The following SLC2A13 variants were observed in gnomAD, a reference collection of about 807,000 sequenced individuals.
SLC2A13 encodes the protein proton myo-inositol cotransporter.
SLC2A13 carries 32 observed loss-of-function variants against 64.4 expected under a neutral mutation model. That is an observed-to-expected ratio of 0.50 (90% confidence interval 0.37 to 0.67). The LOEUF (loss-of-function observed/expected upper bound fraction) is 0.67, where lower values mean the gene tolerates loss of function less well. Among genes scored for constraint, SLC2A13 ranks in the 30% least tolerant of loss-of-function variants. The pLI, the probability that SLC2A13 is intolerant of heterozygous loss-of-function variation, is 0.00. For synonymous variants in SLC2A13, 338 were observed against 327.1 expected, an observed-to-expected ratio of 1.03 and a Z score of -0.36; for missense variants, 743 against 829.2, an observed-to-expected ratio of 0.90 and a Z score of 1.28.
intron 1 of SLC2A13, among the ~76,000 whole-genome samples, chr12:40,088,580 G>A (rs561244720): frequency 6.6e-6 from 1 of 152,160 alleles, no homozygotes; most frequent in African/African-American, 2.4e-5. Flanking sequence ...AAAGCTAGGG[G>A]TCTTGTCTTG....
At chr12:39,989,820 G>A (rs568930172) in intron 3 of SLC2A13, among the ~76,000 whole-genome samples, 1 of 152,284 alleles carries the variant, frequency 6.6e-6, no homozygotes, top group South Asian at 2.1e-4. Context: ...GAGGATCAAG[G>A]TTTGGGTAAA....
intron 6 of SLC2A13, among the ~76,000 whole-genome samples, chr12:39,852,282 A>G (rs923275855): frequency 6.6e-6 from 1 of 152,256 alleles, no homozygotes; most frequent in Non-Finnish European, 1.5e-5. Context: ...AATGCTGGTC[A>G]GATTTCCCTT....
Position 39,838,897 on chromosome 12 carries a change from C to T in SLC2A13, c.1320-8669G>A, listed in dbSNP as rs1943102063. Among the ~76,000 whole-genome samples the T allele has an allele frequency of 2.0e-5, 3 of 152,032 alleles. No individual in the cohort carries two copies. The South Asian group carries it at 6.2e-4, about 31-fold the overall frequency. ...ACTCAATGAGATGGAGCACTAAGAA[C>T]AGTGTTTGATCTTAAAATGCCTGTC... On this transcript the variant is annotated intron_variant, in intron 6 of 9. Coordinates refer to ENST00000280871, the MANE Select transcript of SLC2A13 (RefSeq NM_052885.4).
chr12:39,762,715 C>G (rs1056107245), intron 9 of SLC2A13, among the ~76,000 whole-genome samples: 1 of 151,916 alleles, frequency 6.6e-6, no homozygotes, highest in Non-Finnish European at 1.5e-5. Context: ...CTTACATAAA[C>G]CAGTAACATG....
chr12:39,858,983 C>T lies in SLC2A13; in HGVS notation c.1319+5779G>A, dbSNP rs548851252. Among the ~76,000 whole-genome samples the T allele has an allele frequency of 2.0e-4, 31 of 152,094 alleles. No individual in the cohort carries two copies. In the South Asian group the frequency reaches 4.1e-3, roughly 20 times the overall value. On this transcript the variant is annotated intron_variant, in intron 6 of 9. Coordinates refer to ENST00000280871, the MANE Select transcript of SLC2A13 (RefSeq NM_052885.4). ...TCTTACAGTGCTCATGTTAATGATG[C>T]GTTTGTTAAATAACACAAGGCTGGC...
At chr12:39,815,416 G>A (rs79677405) in intron 7 of SLC2A13, among the ~76,000 whole-genome samples, 2,602 of 152,200 alleles carry the variant, frequency 0.017, 71 homozygotes, top group African/African-American at 0.057. Flanking sequence ...AGAATAAATC[G>A]AACAGGTTCT....
chr12:40,098,569 A>T (rs1441327569), intron 1 of SLC2A13, among the ~76,000 whole-genome samples: 1 of 152,264 alleles, frequency 6.6e-6, no homozygotes, highest in Non-Finnish European at 1.5e-5. Flanking sequence ...GGTAAAGAAC[A>T]ATTATGCTAG....
chr12:39,967,611 C>T (rs766659744), intron 3 of SLC2A13, among the ~76,000 whole-genome samples: 2 of 152,194 alleles, frequency 1.3e-5, no homozygotes, highest in Non-Finnish European at 2.9e-5. Flanking sequence ...TATTCCCATT[C>T]ATTATTCATC....
intron 6 of SLC2A13, among the ~76,000 whole-genome samples, chr12:39,832,540 C>G (rs1942884311): frequency 6.6e-6 from 1 of 151,862 alleles, no homozygotes; most frequent in Non-Finnish European, 1.5e-5. Context: ...CAAGCGTGAC[C>G]CCAACTTCCC....
intron 1 of SLC2A13, 108 bp from the exon 2 acceptor site, chr12:40,048,318 C>T (rs1296872622): frequency 9.4e-7 from 1 of 1,062,190 alleles, no homozygotes; most frequent in African/African-American, 1.6e-5. Flanking sequence ...GCTTGGTTTT[C>T]TACTTTAAGC....
Position 40,106,056 on chromosome 12 carries a change from T to G in SLC2A13, c.-248A>C, listed in dbSNP as rs1159673938. The G allele has an allele frequency of 8.4e-6, 3 of 355,654 alleles. No homozygotes were observed. The highest frequency in any genetic ancestry group is 4.3e-5 in the African/African-American group (2 of 46,902). The allele number at this position is 355,654 out of a possible 1,614,324, so 22.0% of individuals were successfully genotyped here. A position where few individuals can be genotyped will look rare whatever the true frequency, so the allele number is the denominator to read the frequency against. On this transcript the variant is annotated 5_prime_UTR_variant, in exon 1 of 10. Transcript: ENST00000280871. Reference sequence around the variant, plus strand: ...TCACTCCACACTCACGCCCCGCGCCTGCCGAGCTGGCGCTGCGGAGCGGGC... The same window carrying G: ...TCACTCCACACTCACGCCCCGCGCCGGCCGAGCTGGCGCTGCGGAGCGGGC...
intron 7 of SLC2A13, among the ~76,000 whole-genome samples, chr12:39,806,821 C>G (rs574599123): frequency 4.6e-5 from 7 of 152,078 alleles, no homozygotes; most frequent in Non-Finnish European, 8.8e-5. Flanking sequence ...AAATTGGAAA[C>G]AACCCATGTC....
intron 6 of SLC2A13, among the ~76,000 whole-genome samples, chr12:39,834,440 C>A (rs559982727): frequency 6.6e-6 from 1 of 152,134 alleles, no homozygotes; most frequent in South Asian, 2.1e-4. Flanking sequence ...TAACCAGGAC[C>A]AACACCAAGT....
chr12:39,959,922 C>A (rs1201733243), intron 3 of SLC2A13, among the ~76,000 whole-genome samples: 1 of 152,210 alleles, frequency 6.6e-6, no homozygotes, highest in Non-Finnish European at 1.5e-5. Context: ...ACCAACCCAT[C>A]ACCTAGGCAT....
At chr12:40,016,425 T>C (rs1013080068) in intron 3 of SLC2A13, among the ~76,000 whole-genome samples, 4 of 152,220 alleles carry the variant, frequency 2.6e-5, no homozygotes. Context: ...AGTGGGTGTA[T>C]ATAAATATAA....
intron 4 of SLC2A13, among the ~76,000 whole-genome samples, chr12:39,924,210 A>G: frequency 6.6e-6 from 1 of 152,142 alleles, no homozygotes. Context: ...TTGAAAACAA[A>G]ATGACTAAAG....
chr12:40,010,435 T>A (rs1297211881), intron 3 of SLC2A13, among the ~76,000 whole-genome samples: 2 of 152,204 alleles, frequency 1.3e-5, no homozygotes, highest in East Asian at 3.8e-4. Context: ...TCTTGTGATG[T>A]AGGTAAGGCT....
At chr12:39,826,684 T>G (rs73274632) in intron 7 of SLC2A13, among the ~76,000 whole-genome samples, 7,584 of 151,404 alleles carry the variant, frequency 0.05, 585 homozygotes, top group African/African-American at 0.17. Flanking sequence ...TCCTATGTCA[T>G]TTCTCTAAAA....
At chr12:40,016,716 G>A (rs1057417045) in intron 3 of SLC2A13, among the ~76,000 whole-genome samples, 3 of 152,124 alleles carry the variant, frequency 2.0e-5, no homozygotes, top group Admixed American at 6.5e-5. Flanking sequence ...TTAGTAAGGG[G>A]TATTTCCTAA....
Sources: gnomAD v4.1 joint callset for allele counts (sites outside exome capture counted in the v4.1 genomes callset) on GRCh38, gnomAD v4.1.1 for gene constraint, MANE v1.5 for transcripts, NCBI Gene and HGNC (gene_info 2026-07-23, HGNC 2026-07-21) for gene names.